ATP10B: variants seen among roughly 807,000 people sequenced by gnomAD.
ATP10B encodes phospholipid-transporting ATPase VB.
Under a neutral mutation model 141.2 loss-of-function variants are expected in ATP10B, and 122 were observed. That is an observed-to-expected ratio of 0.86 (90% CI 0.75 to 1.00). The LOEUF (loss-of-function observed/expected upper bound fraction) is 1.00. Ranked by LOEUF, ATP10B falls within the 50% of genes least tolerant of loss-of-function variation. ATP10B has a pLI of 0.00. For missense variants in ATP10B, 1,876 were observed against 1,825.3 expected, an observed-to-expected ratio of 1.03 and a Z score of -0.51; for synonymous variants, 685 against 692.0, an observed-to-expected ratio of 0.99 and a Z score of 0.16.
the ATP10B span, among the ~76,000 whole-genome samples, chr5:160,916,026 A>C: frequency 6.6e-6 from 1 of 152,174 alleles, no homozygotes; most frequent in Non-Finnish European, 1.5e-5. Flanking sequence ...GTAACCATAG[A>C]AACAGGGAGT....
At chr5:160,762,748 T>A (rs938540506) in intron 2 of ATP10B, among the ~76,000 whole-genome samples, 2 of 152,126 alleles carry the variant, frequency 1.3e-5, no homozygotes, top group Non-Finnish European at 2.9e-5. Flanking sequence ...ATGGCCTAAA[T>A]GTTCCACTTA....
chr5:160,618,447 G>A (rs150063350), intron 15 of ATP10B, among the ~76,000 whole-genome samples: 1 of 152,176 alleles, frequency 6.6e-6, no homozygotes, highest in African/African-American at 2.4e-5. Context: ...TTCTACTTGA[G>A]GTCTTATATC....
intron 20 of ATP10B, chr5:160,603,260 T>G (rs1757197322): frequency 6.5e-6 from 1 of 154,836 alleles, no homozygotes; most frequent in African/African-American, 2.4e-5. Context: ...AACTTTGGTC[T>G]AATTCCCTGT....
chr5:160,903,886 A>G, the ATP10B span, among the ~76,000 whole-genome samples: 2 of 152,192 alleles, frequency 1.3e-5, no homozygotes, highest in African/African-American at 4.8e-5. Context: ...GGTGTCTGTT[A>G]CTCTGGCTAG....
At chr5:160,754,857 G>T (rs150190527) in intron 2 of ATP10B, among the ~76,000 whole-genome samples, 8 of 152,256 alleles carry the variant, frequency 5.3e-5, no homozygotes, top group African/African-American at 1.9e-4. Context: ...GGCAGCCAAA[G>T]ATCACCAATG....
chr5:160,703,468 C>T (rs550534948), intron 3 of ATP10B, among the ~76,000 whole-genome samples: 20 of 131,280 alleles, frequency 1.5e-4, no homozygotes, highest in Non-Finnish European at 2.8e-4. Context: ...AGAGTTTTGT[C>T]TTGATGATAT....
In ATP10B at chr5:160,687,882, T is replaced by C. The variant is rs746367811; in HGVS notation, c.193A>G (p.Arg65Gly). 1.2e-6 allele frequency: 2 copies of C among 1,614,174 alleles called. No homozygotes were observed. The highest frequency in any genetic ancestry group is 1.7e-6 in the Non-Finnish European group (2 of 1,180,028). The change falls in exon 5 of 26, where the codon AGA becomes GGA. Residue 65 changes from arginine (R) to glycine (G), a missense_variant. Physicochemically the swap from Arg to Gly is moderately radical, Grantham distance 125 (BLOSUM62 -2). Coordinates refer to ENST00000327245, the MANE Select transcript of ATP10B (RefSeq NM_025153.3). ...GTGCAGGTTCTGTTGCCAGGGTATC[T>C]CCTGGAGACCTCTTCCCAATCTTGA... ...FHQDWEEVSR[R>G]YPGNRTCTTK...
At chr5:160,602,153 C>T (rs1031844009) in intron 21 of ATP10B, among the ~76,000 whole-genome samples, 8 of 152,278 alleles carry the variant, frequency 5.3e-5, no homozygotes, top group East Asian at 1.9e-4. Context: ...GATTACGATA[C>T]GCTAATCACT....
intron 2 of ATP10B, among the ~76,000 whole-genome samples, chr5:160,765,180 TA>T (rs548266520): frequency 1.1e-3 from 164 of 152,022 alleles, no homozygotes; most frequent in African/African-American, 3.8e-3. Flanking sequence ...GCAATTCCCA[TA>T]AAAAATGCCA....
chr5:160,894,263 A>G, the ATP10B span, among the ~76,000 whole-genome samples: 2 of 152,122 alleles, frequency 1.3e-5, no homozygotes, highest in Non-Finnish European at 2.9e-5. Context: ...TCCGAGCTAA[A>G]GCAGCATGTT....
chr5:160,868,521 TACACACACACAC>T, the ATP10B span, among the ~76,000 whole-genome samples: 597 of 130,400 alleles, frequency 4.6e-3, 1 homozygote, highest in Middle Eastern at 7.7e-3. Context: ...TATGAACAGA[TACACACACACAC>T]ACACACACAC....
chr5:160,897,590 A>G, the ATP10B span, among the ~76,000 whole-genome samples: 1 of 152,260 alleles, frequency 6.6e-6, no homozygotes, highest in African/African-American at 2.4e-5. Context: ...GGAAGAATCA[A>G]TATCATGCAA....
chr5:160,637,612 AAGG>A (rs1759517267), intron 10 of ATP10B, among the ~76,000 whole-genome samples: 1 of 152,226 alleles, frequency 6.6e-6, no homozygotes, highest in South Asian at 2.1e-4. Context: ...AGGATTATGT[AAGG>A]TGAAGTGCAT....
At chr5:160,728,156 G>T (rs888520554) in intron 2 of ATP10B, among the ~76,000 whole-genome samples, 2 of 151,734 alleles carry the variant, frequency 1.3e-5, no homozygotes, top group Admixed American at 1.3e-4. Flanking sequence ...GATTTACTGG[G>T]CACTAACTAA....
At chr5:160,926,403 T>TA in the ATP10B span, among the ~76,000 whole-genome samples, 1 of 152,244 alleles carries the variant, frequency 6.6e-6, no homozygotes, top group African/African-American at 2.4e-5. Flanking sequence ...AGTTGGCTTC[T>TA]AATTCAAAAT....
chr5:160,847,547 G>A (rs1561920950), intron 1 of ATP10B, among the ~76,000 whole-genome samples: 1 of 152,170 alleles, frequency 6.6e-6, no homozygotes, highest in Non-Finnish European at 1.5e-5. Flanking sequence ...AACCTGTGCT[G>A]TTAAACTTGG....
intron 6 of ATP10B, among the ~76,000 whole-genome samples, chr5:160,672,218 C>G (rs2127727708): frequency 6.6e-6 from 1 of 152,182 alleles, no homozygotes; most frequent in Non-Finnish European, 1.5e-5. Flanking sequence ...CTCAAGTGAT[C>G]CTCCTGTCTC....
intron 3 of ATP10B, among the ~76,000 whole-genome samples, chr5:160,714,864 A>G (rs949809737): frequency 1.8e-4 from 27 of 147,262 alleles, no homozygotes; most frequent in Admixed American, 3.3e-4. Flanking sequence ...GTCTGTTGGA[A>G]TACCCTGCCG....
At chr5:160,881,977 C>T in the ATP10B span, among the ~76,000 whole-genome samples, 2 of 151,820 alleles carry the variant, frequency 1.3e-5, no homozygotes, top group African/African-American at 2.4e-5. Flanking sequence ...ACAGAGTAAC[C>T]TTAAATGCAT....
Sources: allele counts gnomAD v4.1 joint callset (sites outside exome capture counted in the v4.1 genomes callset), GRCh38; gene constraint gnomAD v4.1.1; transcripts MANE v1.5; gene names NCBI Gene and HGNC (gene_info 2026-07-23, HGNC 2026-07-21).